Variants in TMEM161B observed in about 807,000 individuals in gnomAD.
The protein encoded by TMEM161B is transmembrane protein 161B.
In TMEM161B, 34 loss-of-function variants were observed where a neutral mutation model predicts 61.8. The ratio of observed to expected loss-of-function variants is 0.55; its 90% CI spans 0.42 to 0.73. The LOEUF (loss-of-function observed/expected upper bound fraction) is 0.73, where lower values mean the gene tolerates loss of function less well. Among genes scored for constraint, TMEM161B ranks in the 30% least tolerant of loss-of-function variants. The probability of loss-of-function intolerance (pLI) is 0.00; values close to 1 mark genes in which losing one functional copy is unlikely to be tolerated. For missense variants in TMEM161B, 456 were observed against 558.5 expected, an observed-to-expected ratio of 0.82 and a Z score of 1.85; for synonymous variants, 167 against 192.8, an observed-to-expected ratio of 0.87 and a Z score of 1.11.
chr5:88,253,679 C>T (rs1229758494), intron 1 of TMEM161B, among the ~76,000 whole-genome samples: 1 of 152,114 alleles, frequency 6.6e-6, no homozygotes, highest in Non-Finnish European at 1.5e-5. Flanking sequence ...GGAGAAATGA[C>T]TCTGCAACTA....
At chr5:88,259,833 T>C (rs192219790) in intron 1 of TMEM161B, among the ~76,000 whole-genome samples, 456 of 152,298 alleles carry the variant, frequency 3.0e-3, no homozygotes, top group Non-Finnish European at 5.3e-3. Flanking sequence ...TATAGGAAAA[T>C]GTTTTTGAAT....
intron 2 of TMEM161B, among the ~76,000 whole-genome samples, chr5:88,233,252 T>G (rs1041259529): frequency 6.6e-6 from 1 of 152,116 alleles, no homozygotes; most frequent in Non-Finnish European, 1.5e-5. Context: ...TCATACCACA[T>G]GAAAGAATGA....
chr5:88,187,260 T>A (rs1748405918), downstream of TMEM161B, among the ~76,000 whole-genome samples: 1 of 152,212 alleles, frequency 6.6e-6, no homozygotes, highest in East Asian at 1.9e-4. Context: ...TTATAGTAAA[T>A]CTTCAAATCC....
chr5:88,268,233 G>T (rs772578391), intron 1 of TMEM161B, among the ~76,000 whole-genome samples: 2 of 152,136 alleles, frequency 1.3e-5, no homozygotes, highest in Non-Finnish European at 2.9e-5. Context: ...TTATGAAATG[G>T]CTAAGTGTAA....
chr5:88,206,275 C>A, intron 7 of TMEM161B, 164 bp downstream of exon 7: 1 of 629,194 alleles, frequency 1.6e-6, no homozygotes, highest in Non-Finnish European at 2.7e-6. Context: ...ATAAAAGACA[C>A]TAACTTTATA....
At chr5:88,189,149 G>A (rs1030289419), downstream of TMEM161B, among the ~76,000 whole-genome samples, 3 of 152,074 alleles carry the variant, frequency 2.0e-5, no homozygotes, top group African/African-American at 4.8e-5. Flanking sequence ...GTCACTTCCT[G>A]GGCTGCATAC....
At chr5:88,234,757 A>G (rs1419776861) in intron 2 of TMEM161B, among the ~76,000 whole-genome samples, 1 of 152,194 alleles carries the variant, frequency 6.6e-6, no homozygotes, top group Non-Finnish European at 1.5e-5. Flanking sequence ...GAGAGTAAGT[A>G]TTAACAGAAT....
At chr5:88,241,773 C>T (rs961460322) in intron 1 of TMEM161B, among the ~76,000 whole-genome samples, 1 of 151,792 alleles carries the variant, frequency 6.6e-6, no homozygotes, top group East Asian at 1.9e-4. Flanking sequence ...TCTTTCCTCT[C>T]TTCACATCTC....
At chr5:88,250,948 A>G (rs1296569607) in intron 1 of TMEM161B, 1 of 152,204 alleles carries the variant, frequency 6.6e-6, no homozygotes, top group Non-Finnish European at 1.5e-5. Context: ...CGGCACTGCA[A>G]TAAAGAGTTT....
At chr5:88,228,963 CT>C (rs1242776265) in intron 2 of TMEM161B, among the ~76,000 whole-genome samples, 3 of 151,964 alleles carry the variant, frequency 2.0e-5, no homozygotes, top group Admixed American at 6.5e-5. Context: ...GTAGTCTTTC[CT>C]TTCTTTCCCT....
downstream of TMEM161B, among the ~76,000 whole-genome samples, chr5:88,188,160 A>G (rs950072378): frequency 6.6e-6 from 1 of 151,836 alleles, no homozygotes; most frequent in Non-Finnish European, 1.5e-5. Context: ...GCTGGAGTAG[A>G]GTGGCATGAT....
chr5:88,263,381 A>C (rs1378851690), intron 1 of TMEM161B, among the ~76,000 whole-genome samples: 4 of 152,188 alleles, frequency 2.6e-5, no homozygotes, highest in Non-Finnish European at 5.9e-5. Flanking sequence ...CCCTGTTGCC[A>C]AAAACAGTAC....
intron 2 of TMEM161B, among the ~76,000 whole-genome samples, 179 bp from the exon 3 acceptor site, chr5:88,228,707 C>T (rs957521986): frequency 2.0e-5 from 3 of 152,016 alleles, no homozygotes; most frequent in Admixed American, 6.6e-5. Context: ...GATAAACATC[C>T]AGCAGACACT....
At chr5:88,207,725 A>T (rs190427892) in intron 5 of TMEM161B, among the ~76,000 whole-genome samples, 1 of 152,314 alleles carries the variant, frequency 6.6e-6, no homozygotes, top group East Asian at 1.9e-4. Flanking sequence ...AATAGGCTGA[A>T]GAGATTATCT....
chr5:88,187,547 A>C (rs1368491665), downstream of TMEM161B, among the ~76,000 whole-genome samples: 2 of 152,182 alleles, frequency 1.3e-5, no homozygotes, highest in Non-Finnish European at 2.9e-5. Context: ...TGTTGGTAAA[A>C]AGCTACTTCT....
chr5:88,238,003 C>A (rs1752142742), intron 2 of TMEM161B, among the ~76,000 whole-genome samples: 1 of 152,004 alleles, frequency 6.6e-6, no homozygotes, highest in African/African-American at 2.4e-5. Context: ...GCCCCCAACA[C>A]CCCTTCCAGA....
In TMEM161B at chr5:88,199,029, CCA is replaced by C; in HGVS notation, c.1034_1035del (p.Val345GlyfsTer14). On this transcript the variant is annotated frameshift_variant, in exon 10 of 12. Coordinates refer to ENST00000296595, the MANE Select transcript of TMEM161B (RefSeq NM_153354.5). LOFTEE classifies it high-confidence loss of function. Reference protein sequence around the residue: ...QAYLNLAQKCVDQMKKEAGRI... With the variant: ...QAYLNLAQKCXDQMKKEAGRI... ...CGCCCCGCTTCTTTCTTCATCTGAT[CCA>C]CACATTTTTGGGCTAAATTTAAATA... is the stretch of plus-strand genomic sequence containing the variant. 1 of 1,612,956 alleles carries C rather than the reference CCA, an allele frequency of 6.2e-7. No individual in the cohort carries two copies. The highest frequency in any genetic ancestry group is 8.5e-7 in the Non-Finnish European group (1 of 1,179,442).
In TMEM161B at chr5:88,205,914, T is replaced by C; in HGVS notation, c.700A>G (p.Ile234Val). The change falls in exon 8 of 12, where the codon ATT becomes GTT. Residue 234 changes from isoleucine to valine, a missense_variant. Ile to Val is a conservative substitution (Grantham distance 29). Coordinates refer to ENST00000296595, the MANE Select transcript of TMEM161B (RefSeq NM_153354.5). ...SKLTFKFFLAIFCSFIGAFLT... is the reference protein window; with the variant it reads ...SKLTFKFFLAVFCSFIGAFLT... ...AAAGCCCCAATGAATGAACAGAAAA[T>C]AGCCAGGAAAAATTTGAAAGTAAGT... 2.5e-6 allele frequency: 4 copies of C among 1,611,784 alleles called. No individual in the cohort carries two copies. The highest frequency in any genetic ancestry group is 3.4e-6 in the Non-Finnish European group (4 of 1,178,952).
chr5:88,206,296 AATT>A, intron 7 of TMEM161B, 140 bp downstream of exon 7: 3 of 695,222 alleles, frequency 4.3e-6, no homozygotes, highest in Non-Finnish European at 7.0e-6. Context: ...TAGTCATAAA[AATT>A]ATGAGTAAGG....
Sources: allele counts gnomAD v4.1 joint callset (sites outside exome capture counted in the v4.1 genomes callset), GRCh38; gene constraint gnomAD v4.1.1; transcripts MANE v1.5; gene names NCBI Gene and HGNC (gene_info 2026-07-23, HGNC 2026-07-21).